The following LRRC75A variants were observed in gnomAD, a reference collection of about 807,000 sequenced individuals.
LRRC75A encodes leucine rich repeat containing 75A, also known as leucine-rich repeat-containing protein 75A.
LRRC75A carries 12 observed loss-of-function variants against 26.0 expected under a neutral mutation model. That is an observed-to-expected ratio of 0.46 (90% CI 0.30 to 0.75). The LOEUF (loss-of-function observed/expected upper bound fraction) is 0.75, where lower values mean the gene tolerates loss of function less well. Among genes scored for constraint, LRRC75A ranks in the 30% least tolerant of loss-of-function variants. The pLI is 0.08. For missense variants in LRRC75A, 410 were observed against 486.6 expected (o/e 0.84, Z 1.48); for synonymous variants, 223 against 219.3 (o/e 1.02, Z -0.15).
chr17:16,476,058 G>C lies in LRRC75A; in HGVS notation c.247-13672C>G, dbSNP rs190438881. Among the ~76,000 whole-genome samples, 20 of 152,354 alleles carry C rather than the reference G, an allele frequency of 1.3e-4. 1 individual carries two copies. The highest frequency in any genetic ancestry group is 9.6e-4 in the East Asian group (5 of 5,184). On this transcript the variant is annotated intron_variant, in intron 1 of 3. Coordinates refer to ENST00000470794, the MANE Select transcript of LRRC75A (RefSeq NM_001113567.3). ...AATAAAATAAAAATTAGCTGGGTGT[G>C]ATGGCAGGTGCCTATAGTCCCAGCT...
At chr17:16,474,395 T>C (rs1181896469) in intron 1 of LRRC75A, among the ~76,000 whole-genome samples, 1 of 152,268 alleles carries the variant, frequency 6.6e-6, no homozygotes, top group East Asian at 1.9e-4. Context: ...GCTACTGTTT[T>C]ATGACTCCGA....
chr17:16,478,197 T>C (rs1359293321), intron 1 of LRRC75A, among the ~76,000 whole-genome samples: 2 of 150,670 alleles, frequency 1.3e-5, no homozygotes, highest in Non-Finnish European at 3.0e-5. Flanking sequence ...TTTTCTTTTT[T>C]TTTTTTTTGA....
chr17:16,484,055 A>AG (rs1439070001), intron 1 of LRRC75A, among the ~76,000 whole-genome samples: 1 of 152,188 alleles, frequency 6.6e-6, no homozygotes, highest in Admixed American at 6.5e-5. Context: ...CCACCTAATG[A>AG]GGCCGGGTAC....
intron 1 of LRRC75A, among the ~76,000 whole-genome samples, chr17:16,475,421 A>G (rs2093817409): frequency 6.6e-6 from 1 of 152,120 alleles, no homozygotes; most frequent in Non-Finnish European, 1.5e-5. Context: ...GAAGCTGGGG[A>G]CCCAGGAAGG....
At chr17:16,444,169 G>T in intron 3 of LRRC75A, 38 bp from the exon 4 acceptor site, 2 of 1,501,814 alleles carry the variant, frequency 1.3e-6, no homozygotes, top group Non-Finnish European at 8.9e-7. Context: ...CAGGCACATA[G>T]GGCAGGCCTT....
rs1051389199 is a variant in LRRC75A at position 16,462,646 on chromosome 17, C to T, written c.247-260G>A. On this transcript the variant is annotated intron_variant, in intron 1 of 3. Transcript: ENST00000470794. The surrounding 1 kb of genome is among the most constrained non-coding windows in gnomAD (Gnocchi z 4.6). ...CCTGGCTTGTGGCCCTCTCCTAGGACAGCCCCTGACCTTTGTCTCTCTGGT... is the reference window on the plus strand; with the variant it reads ...CCTGGCTTGTGGCCCTCTCCTAGGATAGCCCCTGACCTTTGTCTCTCTGGT... Among the ~76,000 whole-genome samples, 6 of 152,370 alleles carry T rather than the reference C, an allele frequency of 3.9e-5. No individual in the cohort carries two copies. Among genetic ancestry groups the T allele is most frequent in the African/African-American group, 1.2e-4 (5 of 41,590 alleles).
chr17:16,448,777 A>C (rs2093607342), intron 2 of LRRC75A, among the ~76,000 whole-genome samples: 1 of 152,198 alleles, frequency 6.6e-6, no homozygotes, highest in African/African-American at 2.4e-5. Context: ...AGGACACAGG[A>C]GGAGGAGGGA....
intron 2 of LRRC75A, among the ~76,000 whole-genome samples, chr17:16,455,347 T>A (rs12951804): frequency 0.081 from 12,274 of 151,802 alleles, 703 homozygotes; most frequent in Non-Finnish European, 0.13. Context: ...ATGACCCTTA[T>A]AATGAGTGAG....
intron 2 of LRRC75A, among the ~76,000 whole-genome samples, chr17:16,450,914 C>A (rs2093626140): frequency 6.6e-6 from 1 of 152,038 alleles, no homozygotes; most frequent in South Asian, 2.1e-4. Context: ...GGGCTTGGGA[C>A]ATGAGTAGAA....
intron 2 of LRRC75A, among the ~76,000 whole-genome samples, chr17:16,459,543 A>G (rs1887290167): frequency 1.3e-5 from 2 of 152,356 alleles, no homozygotes; most frequent in Admixed American, 6.5e-5. Context: ...GGGGAGCTCA[A>G]GAGACTCAGG....
chr17:16,443,170 T>C lies in LRRC75A; in HGVS notation c.*418A>G, dbSNP rs34572942. The C allele has an allele frequency of 0.2, 33,553 of 165,654 alleles. 4,194 individuals are homozygous for C. Among genetic ancestry groups the C allele is most frequent in the Non-Finnish European group, 0.29 (22,335 of 77,332 alleles). The allele number at this position is 165,654 out of a possible 1,614,324, so 10.3% of individuals were successfully genotyped here. A position where few individuals can be genotyped will look rare whatever the true frequency, so the allele number is the denominator to read the frequency against. On this transcript the variant is annotated 3_prime_UTR_variant, in exon 4 of 4. Coordinates refer to ENST00000470794, the MANE Select transcript of LRRC75A (RefSeq NM_001113567.3). ...GGGACACATTCCTCTGGTTGGAGCT[T>C]GTTCCCCTAAATGAAAAATGTAATG...
In LRRC75A at chr17:16,491,245, G is replaced by A. The variant is rs1182107274; in HGVS notation, c.246+500C>T. On this transcript the variant is annotated intron_variant, in intron 1 of 3. Coordinates refer to ENST00000470794, the MANE Select transcript of LRRC75A (RefSeq NM_001113567.3). The surrounding 1 kb of genome is among the most constrained non-coding windows in gnomAD (Gnocchi z 5.9). ...GAACTACAATCCAGGATGCCTCCCAGGCGAGTGAAGGACCTAGGGACTGGA... is the reference window on the plus strand; with the variant it reads ...GAACTACAATCCAGGATGCCTCCCAAGCGAGTGAAGGACCTAGGGACTGGA... Among the ~76,000 whole-genome samples the A allele has an allele frequency of 6.6e-6, 1 of 152,226 alleles. No individual in the cohort carries two copies. Among genetic ancestry groups the A allele is most frequent in the Admixed American group, 6.5e-5 (1 of 15,290 alleles).
chr17:16,454,863 ATCC>A (rs1485993165), intron 2 of LRRC75A, among the ~76,000 whole-genome samples: 1 of 151,706 alleles, frequency 6.6e-6, no homozygotes, highest in East Asian at 1.9e-4. Context: ...GACTCATGTA[ATCC>A]TCCTGTATCA....
chr17:16,485,671 C>CGT (rs139508916), intron 1 of LRRC75A, among the ~76,000 whole-genome samples: 6,683 of 124,402 alleles, frequency 0.054, 335 homozygotes, highest in African/African-American at 0.11. Flanking sequence ...TGTGTGTGTT[C>CGT]GTGTGTGTGT....
At chr17:16,448,535 T>C (rs1483017993) in intron 2 of LRRC75A, among the ~76,000 whole-genome samples, 3 of 152,218 alleles carry the variant, frequency 2.0e-5, no homozygotes, top group East Asian at 1.9e-4. Context: ...GTCAGGCCCG[T>C]TGGCATCTGA....
intron 2 of LRRC75A, among the ~76,000 whole-genome samples, chr17:16,459,288 T>C (rs549667670): frequency 4.0e-5 from 6 of 151,878 alleles, no homozygotes; most frequent in Non-Finnish European, 7.4e-5. Context: ...GAGAAACGAA[T>C]GGAAAAATAA....
In LRRC75A at chr17:16,491,210, TCTC is replaced by T. The variant is rs199598493; in HGVS notation, c.246+532_246+534del. ...AAGTTAGTCAGGGGAGAGGAAACAGTCTCCTCCTTGAACTACAATCCAGGATGC... is the reference window on the plus strand; with the variant it reads ...AAGTTAGTCAGGGGAGAGGAAACAGTCTCCTTGAACTACAATCCAGGATGC... On this transcript the variant is annotated intron_variant, in intron 1 of 3. Coordinates refer to ENST00000470794, the MANE Select transcript of LRRC75A (RefSeq NM_001113567.3). This position sits in a 1 kb window ranked among gnomAD's most constrained non-coding sequence, Gnocchi z 5.9. 0.02 allele frequency among the ~76,000 whole-genome samples: 3,010 copies of T among 152,180 alleles called. 100 individuals are homozygous for T. The highest frequency in any genetic ancestry group is 0.068 in the African/African-American group (2,838 of 41,508).
At chr17:16,457,996 C>T (rs867116496) in intron 2 of LRRC75A, among the ~76,000 whole-genome samples, 1 of 151,476 alleles carries the variant, frequency 6.6e-6, no homozygotes, top group African/African-American at 2.4e-5. Flanking sequence ...CAAACAAATA[C>T]AAACAACAAC....
At chr17:16,456,041 CGG>C (rs1360587992) in intron 2 of LRRC75A, among the ~76,000 whole-genome samples, 30 of 81,994 alleles carry the variant, frequency 3.7e-4, no homozygotes, top group African/African-American at 1.5e-3. Flanking sequence ...AGGTGGGGAA[CGG>C]GGGGAGGGAG....
Sources: allele counts gnomAD v4.1 joint callset (sites outside exome capture counted in the v4.1 genomes callset), GRCh38; gene constraint gnomAD v4.1.1; non-coding constraint Gnocchi (gnomAD v3.1); transcripts MANE v1.5; gene names NCBI Gene and HGNC (gene_info 2026-07-23, HGNC 2026-07-21).